RBFOX1: variants seen among roughly 807,000 people sequenced by gnomAD.
The protein encoded by RBFOX1 is RNA binding fox-1 homolog 1.
Under a neutral mutation model 57.7 loss-of-function variants are expected in RBFOX1, and 8 were observed. The observed-to-expected ratio is 0.14, with a 90% confidence interval of 0.08 to 0.25. The LOEUF is 0.25. Among genes scored for constraint, RBFOX1 ranks in the 10% least tolerant of loss-of-function variants. RBFOX1 has a pLI of 1.00. For missense variants in RBFOX1, 611 were observed against 548.5 expected (o/e 1.11, Z -1.14); for synonymous variants, 326 against 222.4 (o/e 1.47, Z -4.15).
At chr16:6,260,154 C>G (rs892037121) in intron 1 of RBFOX1, among the ~76,000 whole-genome samples, 1 of 152,082 alleles carries the variant, frequency 6.6e-6, no homozygotes, top group African/African-American at 2.4e-5. Context: ...ATCTGTTGAG[C>G]TGAGGGAAAG....
At chr16:6,910,144 G>A (rs1482464056) in intron 3 of RBFOX1, among the ~76,000 whole-genome samples, 1 of 151,954 alleles carries the variant, frequency 6.6e-6, no homozygotes, top group Non-Finnish European at 1.5e-5. Context: ...CATTCTAGCG[G>A]GGCTTTGATG....
chr16:6,692,593 T>G lies in RBFOX1; in HGVS notation c.-16+37943T>G, dbSNP rs541516747. Among the ~76,000 whole-genome samples the G allele has an allele frequency of 2.0e-5, 3 of 152,190 alleles. No individual in the cohort carries two copies. The South Asian group carries it at 6.2e-4, about 32-fold the overall frequency. On this transcript the variant is annotated intron_variant, in intron 3 of 15. Transcript: ENST00000550418. ...TACACTCTAGCAAAGCTGGAAAATT[T>G]TTGTTGTCCTCCTTCCACCATGCAC...
At chr16:6,174,436 A>C (rs1173516172) in intron 1 of RBFOX1, among the ~76,000 whole-genome samples, 1 of 152,134 alleles carries the variant, frequency 6.6e-6, no homozygotes, top group Non-Finnish European at 1.5e-5. Context: ...CTTTACTAAA[A>C]ATACAAAAGT....
chr16:7,631,324 C>T (rs376815564), intron 11 of RBFOX1, among the ~76,000 whole-genome samples: 1 of 152,076 alleles, frequency 6.6e-6, no homozygotes, highest in Non-Finnish European at 1.5e-5. Flanking sequence ...GGAAGAGACC[C>T]AAAATAAATA....
intron 3 of RBFOX1, among the ~76,000 whole-genome samples, chr16:5,770,256 A>T (rs2053933258): frequency 6.6e-6 from 1 of 152,206 alleles, no homozygotes; most frequent in Non-Finnish European, 1.5e-5. Context: ...TGCAATAATG[A>T]AACTGGCCAA....
chr16:6,593,626 T>A (rs2097745872), intron 2 of RBFOX1, among the ~76,000 whole-genome samples: 1 of 152,198 alleles, frequency 6.6e-6, no homozygotes, highest in African/African-American at 2.4e-5. Context: ...ATGCTGGTAA[T>A]GTGAGTGCCC....
At chr16:6,210,190 C>T (rs112366075) in intron 1 of RBFOX1, among the ~76,000 whole-genome samples, 2,989 of 151,030 alleles carry the variant, frequency 0.02, 37 homozygotes, top group Non-Finnish European at 0.023. Flanking sequence ...TGGTGGTGGG[C>T]GCCTTTAATC....
intron 3 of RBFOX1, among the ~76,000 whole-genome samples, chr16:6,818,291 G>C (rs1261145192): frequency 1.3e-5 from 2 of 152,098 alleles, no homozygotes; most frequent in Non-Finnish European, 2.9e-5. Context: ...ACCTGTGTGT[G>C]CGTCTTTCAT....
intron 3 of RBFOX1, among the ~76,000 whole-genome samples, chr16:5,715,628 C>T (rs149584107): frequency 3.3e-5 from 5 of 152,282 alleles, no homozygotes; most frequent in African/African-American, 9.6e-5. Context: ...AAATAATCTC[C>T]GTGCTGTCTC....
At chr16:7,102,104 G>A (rs2062798526) in intron 4 of RBFOX1, among the ~76,000 whole-genome samples, 1 of 152,014 alleles carries the variant, frequency 6.6e-6, no homozygotes, top group African/African-American at 2.4e-5. Flanking sequence ...AAACATACAG[G>A]CAGAAATGGT....
rs561727237 is a variant in RBFOX1, at chr16:7,550,944, A to G, written c.271-28833A>G. 1.4e-3 allele frequency among the ~76,000 whole-genome samples: 216 copies of G among 151,978 alleles called. 3 individuals are homozygous for G. The highest frequency in any genetic ancestry group is 3.4e-3 in the Middle Eastern group (1 of 294). ...CCCCAGTTCTACTAAAAATACAAAA[A>G]TTAGCCGGGCATGGTGGCGGGTACC... On this transcript the variant is annotated intron_variant, in intron 5 of 15. Transcript: ENST00000550418.
chr16:6,251,290 C>T (rs1265313458), intron 1 of RBFOX1, among the ~76,000 whole-genome samples: 1 of 152,136 alleles, frequency 6.6e-6, no homozygotes, highest in Non-Finnish European at 1.5e-5. Context: ...ATCTGCACAG[C>T]ACCCTTGATA....
chr16:6,202,846 G>A (rs1420028), intron 1 of RBFOX1, among the ~76,000 whole-genome samples: 42,996 of 151,948 alleles, frequency 0.28, 6,891 homozygotes, highest in African/African-American at 0.41. Context: ...GGAGTGCAGT[G>A]GCACAATCAG....
At chr16:5,710,066 C>A (rs1481609141) in intron 3 of RBFOX1, among the ~76,000 whole-genome samples, 2 of 150,552 alleles carry the variant, frequency 1.3e-5, no homozygotes, top group South Asian at 2.1e-4. Flanking sequence ...CTTCAGCACC[C>A]GGGACAGCTC....
At chr16:6,952,511 A>G (rs1466055058) in intron 3 of RBFOX1, among the ~76,000 whole-genome samples, 2 of 151,726 alleles carry the variant, frequency 1.3e-5, no homozygotes, top group East Asian at 3.9e-4. Flanking sequence ...GGTCATGCAC[A>G]CCTGTAGTCC....
chr16:5,548,170 A>ATATAT (rs1317008346), intron 2 of RBFOX1, among the ~76,000 whole-genome samples: 14 of 40,706 alleles, frequency 3.4e-4, no homozygotes, highest in Admixed American at 7.5e-4. Context: ...AAAAAAAAAA[A>ATATAT]AAAAATATAT....
chr16:5,691,544 AC>A (rs1816114137), intron 3 of RBFOX1, among the ~76,000 whole-genome samples: 1 of 152,282 alleles, frequency 6.6e-6, no homozygotes, highest in Non-Finnish European at 1.5e-5. Context: ...AATGCCTAGG[AC>A]TAGAAGTTTT....
intron 1 of RBFOX1, among the ~76,000 whole-genome samples, chr16:6,311,069 G>A (rs532406226): frequency 8.6e-5 from 13 of 151,962 alleles, no homozygotes; most frequent in Admixed American, 2.0e-4. Context: ...GGCCAAGGCG[G>A]GCAAATCACA....
chr16:6,865,225 A>T (rs985886460), intron 3 of RBFOX1, among the ~76,000 whole-genome samples: 1 of 151,018 alleles, frequency 6.6e-6, no homozygotes, highest in African/African-American at 2.4e-5. Context: ...CTGGTCTCGA[A>T]CTCCTGACCT....
Sources: allele counts gnomAD v4.1 joint callset (sites outside exome capture counted in the v4.1 genomes callset), GRCh38; gene constraint gnomAD v4.1.1; transcripts MANE v1.5; gene names NCBI Gene and HGNC (gene_info 2026-07-23, HGNC 2026-07-21).